The following NOL4L variants were observed in gnomAD, a reference collection of about 807,000 sequenced individuals.
NOL4L encodes the protein nucleolar protein 4 like.
In NOL4L, 7 loss-of-function variants were observed where a neutral mutation model predicts 64.5. The ratio of observed to expected loss-of-function variants is 0.11; its 90% confidence interval spans 0.06 to 0.20. NOL4L has a LOEUF of 0.20. Ranked by LOEUF, NOL4L falls within the 10% of genes least tolerant of loss-of-function variation. The probability of loss-of-function intolerance (pLI) is 1.00; values close to 1 mark genes in which losing one functional copy is unlikely to be tolerated. For missense variants in NOL4L, 680 were observed against 967.1 expected (o/e 0.70, Z 3.94); for synonymous variants, 413 against 401.0 (o/e 1.03, Z -0.36).
In NOL4L at chr20:32,584,623, C is replaced by T. The variant is rs1018338124; in HGVS notation, c.268G>A (p.Gly90Ser). The T allele has an allele frequency of 1.3e-6, 2 of 1,537,922 alleles. No homozygotes were observed. The highest frequency in any genetic ancestry group is 1.8e-6 in the Non-Finnish European group (2 of 1,140,556). The change falls in exon 1 of 11, where the codon GGC becomes AGC. Residue 90 changes from glycine to serine, a missense_variant. Coordinates refer to ENST00000621426, the MANE Select transcript of NOL4L (RefSeq NM_001256798.2). ...ACTTGGCCCATCTTGGGTTCCCGGC[C>T]GCTGCCCAGGCGGAAGCCCTTGGAG... ...VRSKGFRLGS[G>S]REPKMGQVVY...
chr20:32,477,719 G>A (rs1212031796), intron 4 of NOL4L, among the ~76,000 whole-genome samples: 1 of 152,184 alleles, frequency 6.6e-6, no homozygotes, highest in African/African-American at 2.4e-5. Context: ...TGGCACCCTG[G>A]TGCCCTGCAA....
intron 1 of NOL4L, among the ~76,000 whole-genome samples, chr20:32,560,237 G>C (rs1344186587): frequency 6.6e-6 from 1 of 152,208 alleles, no homozygotes; most frequent in Admixed American, 6.5e-5. Flanking sequence ...TGAGTACTGA[G>C]TGTGGCCAGG....
chr20:32,537,477 G>T (rs980716337), intron 1 of NOL4L, among the ~76,000 whole-genome samples: 2 of 152,202 alleles, frequency 1.3e-5, no homozygotes, highest in Admixed American at 6.5e-5. Flanking sequence ...GAGATCTGTT[G>T]TCCCAGGGTG....
At position 32,488,817 on chromosome 20, in the gene NOL4L, CTT is replaced by C. The variant is rs1394405957; in HGVS notation, c.700-14077_700-14076del. Reference sequence around the variant, plus strand: ...TTTCTTTCTTTCTTTTTCTTTCTTTCTTTCTTTCTTTTTCTTTCTTTCTTTCT... The same window carrying C: ...TTTCTTTCTTTCTTTTTCTTTCTTTCTCTTTCTTTTTCTTTCTTTCTTTCT... On this transcript the variant is annotated intron_variant, in intron 4 of 10. Transcript: ENST00000621426. Among the ~76,000 whole-genome samples, 174 of 23,944 alleles carry C rather than the reference CTT, an allele frequency of 7.3e-3. 10 individuals are homozygous for C. Among genetic ancestry groups the C allele is most frequent in the South Asian group, 0.014 (9 of 666 alleles). The allele number at this position is 23,944 out of a possible 152,430, so 15.7% of individuals were successfully genotyped here.
In NOL4L at chr20:32,584,778, G is replaced by A; in HGVS notation, c.113C>T (p.Ser38Leu). 1 of 1,541,948 alleles carries A rather than the reference G, an allele frequency of 6.5e-7. No individual in the cohort carries two copies. Among genetic ancestry groups the A allele is most frequent in the Non-Finnish European group, 8.7e-7 (1 of 1,145,312 alleles). Residue 38 changes from serine (S) to leucine (L), a missense_variant, in exon 1 of 11, where the codon TCG becomes TTG. By Grantham distance (145) the Ser-to-Leu change is moderately radical (BLOSUM62 -2). Coordinates refer to ENST00000621426, the MANE Select transcript of NOL4L (RefSeq NM_001256798.2). ...GCGTGTCACCGTCTTGGTTTTGGCC[G>A]AGTCGCCGTAGGTGCGCAAGCACCA... The part of the protein sequence containing the change: ...RDWCLRTYGD[S>L]AKTKTVTRSK...
chr20:32,539,670 C>T (rs2018618827), intron 1 of NOL4L, among the ~76,000 whole-genome samples: 1 of 152,122 alleles, frequency 6.6e-6, no homozygotes, highest in Non-Finnish European at 1.5e-5. Context: ...GGTCTTTTTC[C>T]CTTCTGTCTC....
At chr20:32,486,602 G>A (rs1262838655) in intron 4 of NOL4L, 21 of 408,956 alleles carry the variant, frequency 5.1e-5, no homozygotes, top group South Asian at 2.3e-4. Flanking sequence ...GGATCTTAGC[G>A]TGACCAGAGC....
intron 6 of NOL4L, among the ~76,000 whole-genome samples, chr20:32,454,438 A>T (rs554463098): frequency 6.6e-6 from 1 of 152,138 alleles, no homozygotes; most frequent in African/African-American, 2.4e-5. Context: ...GGCCTCCCCC[A>T]GCAGTCTCCT....
chr20:32,487,255 C>T (rs541010837), intron 4 of NOL4L, among the ~76,000 whole-genome samples: 21 of 151,806 alleles, frequency 1.4e-4, no homozygotes, highest in South Asian at 4.2e-4. Flanking sequence ...GCGACAGGAG[C>T]GAAACTCCAT....
intron 1 of NOL4L, among the ~76,000 whole-genome samples, chr20:32,563,976 G>A (rs1249598461): frequency 1.3e-5 from 2 of 152,228 alleles, no homozygotes; most frequent in East Asian, 3.9e-4. Flanking sequence ...ATTCTCCCAG[G>A]AAAGGCCGAG....
At chr20:32,559,669 G>C (rs914633108) in intron 1 of NOL4L, among the ~76,000 whole-genome samples, 2 of 152,236 alleles carry the variant, frequency 1.3e-5, no homozygotes, top group African/African-American at 4.8e-5. Flanking sequence ...CCAGGCGCCA[G>C]GACTGGAATG....
At chr20:32,483,124 G>A (rs1204268730) in intron 4 of NOL4L, among the ~76,000 whole-genome samples, 33 of 140,672 alleles carry the variant, frequency 2.3e-4, no homozygotes, top group South Asian at 4.6e-4. Context: ...CCACTCTCGG[G>A]CACACTCACC....
chr20:32,539,990 C>A (rs1321492047), intron 1 of NOL4L, among the ~76,000 whole-genome samples: 2 of 152,228 alleles, frequency 1.3e-5, no homozygotes, highest in Non-Finnish European at 2.9e-5. Context: ...AAAGCCACTT[C>A]CTGCCAAGCT....
rs1331524108 is a variant in NOL4L, at chr20:32,483,558, C to A, written c.700-8816G>T. The A allele has an allele frequency of 7.2e-6, 7 of 969,984 alleles. No homozygotes were observed. The East Asian group carries it at 8.6e-4, about 120-fold the overall frequency. 60.1% of individuals were successfully genotyped at this position (969,984 alleles called of 1,614,324 possible). On this transcript the variant is annotated intron_variant, in intron 4 of 10. Transcript: ENST00000621426. ...TGGCCAGGAGGAGGGCCCAGGCGAGCAGCGGCGGCAGCGGCGGCGGCGCCG... is the reference window on the plus strand; with the variant it reads ...TGGCCAGGAGGAGGGCCCAGGCGAGAAGCGGCGGCAGCGGCGGCGGCGCCG...
In NOL4L at chr20:32,474,516, G is replaced by A. The variant is rs1210586211; in HGVS notation, c.841+85C>T. On this transcript the variant is annotated intron_variant, in intron 5 of 10. Coordinates refer to ENST00000621426, the MANE Select transcript of NOL4L (RefSeq NM_001256798.2). Reference sequence around the variant, plus strand: ...TTGGCCCAGATTCCGCCACCCTGGAGTGTGTCCACACCTCTCACCTGAGGA... The same window carrying A: ...TTGGCCCAGATTCCGCCACCCTGGAATGTGTCCACACCTCTCACCTGAGGA... 4 of 1,479,500 alleles carry A rather than the reference G, an allele frequency of 2.7e-6. No homozygotes were observed. In the African/African-American group the frequency reaches 5.6e-5, roughly 21 times the overall value. The allele number at this position is 1,479,500 out of a possible 1,614,324, so 91.6% of individuals were successfully genotyped here. A position where few individuals can be genotyped will look rare whatever the true frequency, so the allele number is the denominator to read the frequency against.
At chr20:32,546,378 C>T (rs2018734029) in intron 1 of NOL4L, among the ~76,000 whole-genome samples, 1 of 152,138 alleles carries the variant, frequency 6.6e-6, no homozygotes, top group Non-Finnish European at 1.5e-5. Context: ...CCTCCTTTTA[C>T]AGTCATGCAC....
At chr20:32,454,240 C>T (rs561756017) in intron 6 of NOL4L, among the ~76,000 whole-genome samples, 5 of 152,360 alleles carry the variant, frequency 3.3e-5, no homozygotes, top group Non-Finnish European at 5.9e-5. Context: ...ACCAAAGCAA[C>T]GAGCATGCTG....
At chr20:32,539,865 CG>C (rs940593077) in intron 1 of NOL4L, among the ~76,000 whole-genome samples, 2 of 152,138 alleles carry the variant, frequency 1.3e-5, no homozygotes, top group African/African-American at 4.8e-5. Context: ...TCAACTCTAT[CG>C]GGCATGGTGT....
chr20:32,501,979 A>G (rs1440016176), intron 4 of NOL4L, among the ~76,000 whole-genome samples: 1 of 152,246 alleles, frequency 6.6e-6, no homozygotes, highest in Non-Finnish European at 1.5e-5. Context: ...AGTCATAATA[A>G]TATAAACAAT....
Sources: gnomAD v4.1 joint callset for allele counts (sites outside exome capture counted in the v4.1 genomes callset) on GRCh38, gnomAD v4.1.1 for gene constraint, MANE v1.5 for transcripts, NCBI Gene and HGNC (gene_info 2026-07-23, HGNC 2026-07-21) for gene names.